The following BCO1 variants were observed in gnomAD, a reference collection of about 807,000 sequenced individuals.
The protein encoded by BCO1 is beta,beta-carotene 15,15'-dioxygenase.
In BCO1, 54 loss-of-function variants were observed where a neutral mutation model predicts 56.3. That is an observed-to-expected ratio of 0.96 (90% CI 0.77 to 1.20). The LOEUF (loss-of-function observed/expected upper bound fraction) is 1.20, where lower values mean the gene tolerates loss of function less well. BCO1 is among the 50% of genes most tolerant of loss of function. The probability of loss-of-function intolerance (pLI) is 0.00; values close to 1 mark genes in which losing one functional copy is unlikely to be tolerated. For missense variants in BCO1, 801 were observed against 690.9 expected (o/e 1.16, Z -1.79); for synonymous variants, 318 against 266.1 (o/e 1.20, Z -1.90).
intron 6 of BCO1, among the ~76,000 whole-genome samples, chr16:81,269,453 G>T (rs993072339): frequency 6.6e-6 from 1 of 151,970 alleles, no homozygotes; most frequent in Admixed American, 6.6e-5. Flanking sequence ...ACGCCACAAT[G>T]CCTAGTGAAT....
At chr16:81,259,581 C>A in intron 2 of BCO1, 95 bp from the exon 3 acceptor site, 2 of 1,524,108 alleles carry the variant, frequency 1.3e-6, no homozygotes, top group South Asian at 1.1e-5. Context: ...AAATAACCAC[C>A]TTCTTCTCCC....
At chr16:81,277,459 C>T (rs1457526898) in intron 7 of BCO1, among the ~76,000 whole-genome samples, 2 of 152,152 alleles carry the variant, frequency 1.3e-5, no homozygotes, top group African/African-American at 4.8e-5. Flanking sequence ...CCTGGACCAG[C>T]CTATTTTTCT....
intron 1 of BCO1, among the ~76,000 whole-genome samples, chr16:81,243,783 C>G (rs1427392075): frequency 1.3e-5 from 2 of 152,108 alleles, no homozygotes; most frequent in Non-Finnish European, 2.9e-5. Context: ...TTTTGGTCTT[C>G]TTGTTTTGGG....
chr16:81,240,900 T>G (rs889461888), intron 1 of BCO1, among the ~76,000 whole-genome samples: 69 of 148,254 alleles, frequency 4.7e-4, no homozygotes, highest in Non-Finnish European at 7.4e-5. Context: ...AATGGCGCGA[T>G]CTCGGCTCAC....
intron 2 of BCO1, among the ~76,000 whole-genome samples, chr16:81,253,646 A>G (rs1905946454): frequency 6.6e-6 from 1 of 152,154 alleles, no homozygotes; most frequent in African/African-American, 2.4e-5. Flanking sequence ...TCTGCTGCCC[A>G]GGAATAAATC....
intron 2 of BCO1, among the ~76,000 whole-genome samples, chr16:81,255,990 A>G (rs1906112397): frequency 6.7e-6 from 1 of 149,126 alleles, no homozygotes; most frequent in South Asian, 2.1e-4. Flanking sequence ...TTTTTTTTGT[A>G]TTTTTAGTAG....
chr16:81,264,876 C>G, intron 5 of BCO1, 89 bp downstream of exon 5: 1 of 1,437,574 alleles, frequency 7.0e-7, no homozygotes, highest in Non-Finnish European at 9.8e-7. Context: ...GACACAAGAT[C>G]CAGTGTGGTA....
intron 7 of BCO1, among the ~76,000 whole-genome samples, chr16:81,271,260 G>A (rs572599608): frequency 1.5e-4 from 23 of 151,850 alleles, no homozygotes; most frequent in African/African-American, 4.3e-4. Context: ...GATTACAGGC[G>A]CCTGCCACCA....
chr16:81,281,363 T>A (rs1907872439), intron 8 of BCO1, among the ~76,000 whole-genome samples: 1 of 152,162 alleles, frequency 6.6e-6, no homozygotes, highest in Admixed American at 6.5e-5. Flanking sequence ...TGAGAATCAC[T>A]TGAGCCCAGG....
At chr16:81,260,260 G>T (rs1424046995) in intron 3 of BCO1, among the ~76,000 whole-genome samples, 1 of 150,946 alleles carries the variant, frequency 6.6e-6, no homozygotes, top group East Asian at 1.9e-4. Context: ...AAGGAATGAG[G>T]ATGTTCTCTT....
At chr16:81,264,216 G>A (rs1319378727) in intron 4 of BCO1, 2 of 276,144 alleles carry the variant, frequency 7.2e-6, no homozygotes. Context: ...CAGAATGACA[G>A]AACTGTGGCC....
At chr16:81,252,134 A>G (rs895746912) in intron 2 of BCO1, among the ~76,000 whole-genome samples, 11 of 151,972 alleles carry the variant, frequency 7.2e-5, no homozygotes, top group Admixed American at 6.6e-5. Flanking sequence ...CAGGCACTCC[A>G]TGCTCTGGGG....
Position 81,264,667 on chromosome 16 carries a change from A to C in BCO1, c.499A>C (p.Asn167His). ...KVDYRKYVAV[N>H]LATSHPHYDE... is the part of the protein sequence containing the mutation. ...TGATTATCGTAAATACGTGGCGGTA[A>C]ATCTGGCAACGTCACATCCCCATTA... The change falls in exon 5 of 11, where the codon AAT (asparagine) becomes CAT (histidine). Residue 167 changes from asparagine (N) to histidine (H), a missense_variant. By Grantham distance (68) the Asn-to-His change is moderately conservative. Coordinates refer to ENST00000258168, the MANE Select transcript of BCO1 (RefSeq NM_017429.3). The C allele has an allele frequency of 6.2e-7, 1 of 1,614,182 alleles. No homozygotes were observed. Among genetic ancestry groups the C allele is most frequent in the Non-Finnish European group, 8.5e-7 (1 of 1,180,008 alleles).
intron 1 of BCO1, among the ~76,000 whole-genome samples, chr16:81,239,979 A>C (rs768375895): frequency 1.3e-5 from 2 of 152,154 alleles, no homozygotes; most frequent in Non-Finnish European, 2.9e-5. Flanking sequence ...AATTGTTCAT[A>C]AGGAGAGGAC....
intron 7 of BCO1, among the ~76,000 whole-genome samples, chr16:81,276,632 T>G (rs773128900): frequency 2.0e-5 from 3 of 152,228 alleles, no homozygotes; most frequent in Non-Finnish European, 2.9e-5. Context: ...CAGTCATCCT[T>G]TCAGACCAGC....
At chr16:81,285,163 T>C (rs1908104187) in intron 8 of BCO1, among the ~76,000 whole-genome samples, 2 of 152,230 alleles carry the variant, frequency 1.3e-5, no homozygotes, top group Admixed American at 1.3e-4. Flanking sequence ...TCATCACATA[T>C]GTGCACATGC....
chr16:81,270,121 G>C (rs765092167), intron 6 of BCO1, 38 bp from the exon 7 acceptor site: 1 of 1,613,358 alleles, frequency 6.2e-7, no homozygotes, highest in Non-Finnish European at 8.5e-7. Flanking sequence ...CAGGCTGAGA[G>C]AGGGTGAGCT....
At chr16:81,281,039 T>C in intron 8 of BCO1, 77 bp downstream of exon 8, 1 of 1,052,970 alleles carries the variant, frequency 9.5e-7, no homozygotes, top group Non-Finnish European at 1.5e-6. Flanking sequence ...CTTTACATAA[T>C]AATTCCCTCC....
chr16:81,257,331 C>T (rs1249745767), intron 2 of BCO1, among the ~76,000 whole-genome samples: 2 of 152,076 alleles, frequency 1.3e-5, no homozygotes, highest in African/African-American at 4.8e-5. Context: ...GTGGCGCGAT[C>T]TCGGCTCACT....
Sources: gnomAD v4.1 joint callset for allele counts (sites outside exome capture counted in the v4.1 genomes callset) on GRCh38, gnomAD v4.1.1 for gene constraint, MANE v1.5 for transcripts, NCBI Gene and HGNC (gene_info 2026-07-23, HGNC 2026-07-21) for gene names.